Variants in FBXL7 observed in about 807,000 individuals in gnomAD.
FBXL7 encodes the protein F-box and leucine rich repeat protein 7.
A neutral mutation model predicts 38.3 loss-of-function variants in FBXL7; 12 were observed. The observed-to-expected ratio is 0.31, with a 90% confidence interval of 0.20 to 0.51. The LOEUF (loss-of-function observed/expected upper bound fraction) is 0.51. FBXL7 is among the 20% of genes least tolerant of loss of function. The pLI is 0.98. For missense variants in FBXL7, 567 were observed against 676.4 expected (o/e 0.84, Z 1.79); for synonymous variants, 297 against 300.9 (o/e 0.99, Z 0.13).
chr5:15,797,242 C>G (rs1175906686), intron 2 of FBXL7, among the ~76,000 whole-genome samples: 1 of 152,154 alleles, frequency 6.6e-6, no homozygotes, highest in Non-Finnish European at 1.5e-5. Flanking sequence ...AATAGGTCAT[C>G]AAGTCCCAAC....
intron 2 of FBXL7, among the ~76,000 whole-genome samples, chr5:15,781,771 G>C (rs532876439): frequency 1.3e-3 from 204 of 152,270 alleles, no homozygotes; most frequent in African/African-American, 4.7e-3. Context: ...CTATAAAGGA[G>C]AGTGTAAAAC....
At chr5:15,893,905 A>C (rs1163352064) in intron 2 of FBXL7, among the ~76,000 whole-genome samples, 1 of 152,252 alleles carries the variant, frequency 6.6e-6, no homozygotes, top group Non-Finnish European at 1.5e-5. Context: ...ATCCAGGCAG[A>C]AGTCCAGTCC....
At chr5:15,809,302 A>G (rs1192509197) in intron 2 of FBXL7, among the ~76,000 whole-genome samples, 1 of 152,188 alleles carries the variant, frequency 6.6e-6, no homozygotes, top group African/African-American at 2.4e-5. Context: ...TTCAGGGGTT[A>G]CCATTCCACT....
intron 1 of FBXL7, chr5:15,501,580 T>C: frequency 2.0e-6 from 2 of 985,566 alleles, no homozygotes; most frequent in Non-Finnish European, 2.4e-6. Flanking sequence ...GGGTCAGTTT[T>C]ACAGCCCGCC....
chr5:15,520,839 C>A (rs533389209), intron 1 of FBXL7, among the ~76,000 whole-genome samples: 2 of 152,240 alleles, frequency 1.3e-5, no homozygotes, highest in African/African-American at 4.8e-5. Flanking sequence ...TCATTTGTTT[C>A]TTTAATAATC....
At chr5:15,679,930 G>T (rs1051990857) in intron 2 of FBXL7, among the ~76,000 whole-genome samples, 3 of 152,258 alleles carry the variant, frequency 2.0e-5, no homozygotes, top group African/African-American at 7.2e-5. Flanking sequence ...AGGCAAAGGA[G>T]GTAGGTTTAT....
At chr5:15,803,519 T>C (rs962905526) in intron 2 of FBXL7, among the ~76,000 whole-genome samples, 3 of 151,896 alleles carry the variant, frequency 2.0e-5, no homozygotes, top group Non-Finnish European at 4.4e-5. Context: ...ACTCATATTT[T>C]CCCCTTTCTC....
chr5:15,515,627 G>A (rs1208151767), intron 1 of FBXL7, among the ~76,000 whole-genome samples: 3 of 152,170 alleles, frequency 2.0e-5, no homozygotes, highest in Admixed American at 6.5e-5. Flanking sequence ...AAATACTGAA[G>A]AAGCAGCAGA....
chr5:15,886,725 C>T lies in FBXL7; in HGVS notation c.128-41165C>T, dbSNP rs981390613. Among the ~76,000 whole-genome samples the T allele has an allele frequency of 5.3e-5, 8 of 152,270 alleles. No individual in the cohort carries two copies. The East Asian group carries it at 1.4e-3, about 26-fold the overall frequency. ...AGGGTACAAGCAGTGTACACGGAGC[C>T]AAGGAGAAAATCCTCTTCTAATAAA... On this transcript the variant is annotated intron_variant, in intron 2 of 3. Coordinates refer to ENST00000504595, the MANE Select transcript of FBXL7 (RefSeq NM_012304.5).
intron 1 of FBXL7, among the ~76,000 whole-genome samples, chr5:15,535,985 C>T (rs930642841): frequency 2.0e-5 from 3 of 152,248 alleles, no homozygotes; most frequent in Non-Finnish European, 2.9e-5. Flanking sequence ...CAGGGCCTTG[C>T]TGCTCTGTGC....
chr5:15,905,794 A>C lies in FBXL7; in HGVS notation c.128-22096A>C, dbSNP rs560766194. Among the ~76,000 whole-genome samples, 9 of 152,238 alleles carry C rather than the reference A, an allele frequency of 5.9e-5. No homozygotes were observed. In the South Asian group the frequency reaches 1.2e-3, roughly 21 times the overall value. On this transcript the variant is annotated intron_variant, in intron 2 of 3. Transcript: ENST00000504595. Reference sequence around the variant, plus strand: ...TGGCTTGGGGGACACATAAGAAAGAAAACAGAAGGCAGGAATGGAGAGGAT... The same window carrying C: ...TGGCTTGGGGGACACATAAGAAAGACAACAGAAGGCAGGAATGGAGAGGAT...
intron 2 of FBXL7, among the ~76,000 whole-genome samples, chr5:15,707,847 G>C (rs1007151816): frequency 2.0e-5 from 3 of 152,142 alleles, no homozygotes; most frequent in African/African-American, 7.2e-5. Context: ...TTGACCACGT[G>C]AGAATGTACA....
At chr5:15,608,498 C>T (rs955986449) in intron 1 of FBXL7, among the ~76,000 whole-genome samples, 2 of 152,158 alleles carry the variant, frequency 1.3e-5, no homozygotes, top group East Asian at 3.9e-4. Context: ...GTCAACTTGG[C>T]CAGGCTATAG....
chr5:15,677,646 A>G (rs1043218058), intron 2 of FBXL7, among the ~76,000 whole-genome samples: 2 of 149,998 alleles, frequency 1.3e-5, no homozygotes, highest in Non-Finnish European at 3.0e-5. Flanking sequence ...TCTCAGTGAA[A>G]TCTTTTTTAG....
intron 2 of FBXL7, among the ~76,000 whole-genome samples, chr5:15,737,272 C>A (rs1561106208): frequency 6.6e-6 from 1 of 152,144 alleles, no homozygotes; most frequent in Non-Finnish European, 1.5e-5. Flanking sequence ...TCCCCTGTTC[C>A]ACTAAGTGGT....
chr5:15,500,587 C>A lies in FBXL7; in HGVS notation c.-90C>A, dbSNP rs1736460815. On this transcript the variant is annotated 5_prime_UTR_variant, in exon 1 of 4. Transcript: ENST00000504595. The stretch of plus-strand genomic sequence containing the variant: ...GGGGGGGATGTGCAGCTAACGGTCC[C>A]GTCGGGCGGGCTTTCCTCGGGCCGA... The A allele has an allele frequency of 1.3e-6, 2 of 1,571,648 alleles. No homozygotes were observed. Among genetic ancestry groups the A allele is most frequent in the Non-Finnish European group, 1.8e-6 (2 of 1,141,752 alleles).
rs567563787 is a variant in FBXL7 at position 15,558,063 on chromosome 5, G to A, written c.37+57350G>A. Among the ~76,000 whole-genome samples, 21 of 152,226 alleles carry A rather than the reference G, an allele frequency of 1.4e-4. No individual in the cohort carries two copies. In the South Asian group the frequency reaches 4.1e-3, roughly 30 times the overall value. On this transcript the variant is annotated intron_variant, in intron 1 of 3. Coordinates refer to ENST00000504595, the MANE Select transcript of FBXL7 (RefSeq NM_012304.5). ...TCTGTTTGGGGTGACGGCAAATTTT[G>A]GAAATGGTGGTGATCTTGCATAATT...
chr5:15,637,205 C>A (rs377643360), intron 2 of FBXL7, among the ~76,000 whole-genome samples: 2 of 152,082 alleles, frequency 1.3e-5, no homozygotes, highest in Admixed American at 1.3e-4. Flanking sequence ...AGTCATATAA[C>A]GGTGGAACTT....
intron 1 of FBXL7, among the ~76,000 whole-genome samples, chr5:15,602,789 T>A (rs543097105): frequency 6.6e-6 from 1 of 152,248 alleles, no homozygotes; most frequent in South Asian, 2.1e-4. Flanking sequence ...TTTGAGAATG[T>A]CACTTAAGGA....
Sources: gnomAD v4.1 joint callset for allele counts (sites outside exome capture counted in the v4.1 genomes callset) on GRCh38, gnomAD v4.1.1 for gene constraint, MANE v1.5 for transcripts, NCBI Gene and HGNC (gene_info 2026-07-23, HGNC 2026-07-21) for gene names.